PPM1B: variants seen among roughly 807,000 people sequenced by gnomAD.
PPM1B encodes the protein protein phosphatase, Mg2+/Mn2+ dependent 1B, also known as protein phosphatase 1B.
Under a neutral mutation model 43.0 loss-of-function variants are expected in PPM1B, and 22 were observed. The observed-to-expected ratio is 0.51, with a 90% CI of 0.37 to 0.73. The LOEUF is 0.73. Among genes scored for constraint, PPM1B ranks in the 30% least tolerant of loss-of-function variants. PPM1B has a pLI of 0.00. For missense variants in PPM1B, 632 were observed against 584.2 expected, an observed-to-expected ratio of 1.08 and a Z score of -0.84; for synonymous variants, 217 against 197.9, an observed-to-expected ratio of 1.10 and a Z score of -0.81.
intron 1 of PPM1B, among the ~76,000 whole-genome samples, chr2:44,182,511 T>G (rs1667930621): frequency 1.3e-5 from 2 of 152,186 alleles, no homozygotes; most frequent in South Asian, 2.1e-4. Flanking sequence ...TCCACCTGCC[T>G]CGGCCTCCCA....
chr2:44,242,083 C>T (rs1447050635), intron 5 of PPM1B, among the ~76,000 whole-genome samples: 2 of 151,924 alleles, frequency 1.3e-5, no homozygotes, highest in African/African-American at 4.8e-5. Flanking sequence ...TGGTCTCGAT[C>T]TCCTGACCTT....
intron 1 of PPM1B, among the ~76,000 whole-genome samples, chr2:44,177,089 T>C (rs1481700748): frequency 6.6e-6 from 1 of 152,122 alleles, no homozygotes. Flanking sequence ...CTAGTTTCAT[T>C]TTTAATGTAT....
chr2:44,201,648 G>T lies in PPM1B; in HGVS notation c.449G>T (p.Gly150Val). The T allele has an allele frequency of 1.2e-6, 2 of 1,614,192 alleles. No individual in the cohort carries two copies. Among genetic ancestry groups the T allele is most frequent in the Non-Finnish European group, 1.7e-6 (2 of 1,180,022 alleles). ...AAGCATATCTACTTTATCAACTGTG[G>T]TGATTCACGTGCTGTTCTGTATAGG... is the stretch of plus-strand genomic sequence containing the variant. ...SPKHIYFINC[G>V]DSRAVLYRNG... Residue 150 changes from glycine to valine, a missense_variant, in exon 2 of 6, where the codon GGT (glycine) becomes GTT (valine). Gly to Val is a moderately radical substitution (Grantham distance 109). This residue lies in a region of PPM1B where 200 missense variants were observed against 200.7 expected (regional missense o/e 1.00). Transcript: ENST00000282412. The surrounding 1 kb of genome is among the most constrained non-coding windows in gnomAD (Gnocchi z 5.4).
chr2:44,204,025 A>T lies in PPM1B; in HGVS notation c.846+1980A>T, dbSNP rs544534234. Among the ~76,000 whole-genome samples the T allele has an allele frequency of 7.9e-5, 12 of 152,360 alleles. No individual in the cohort carries two copies. In the South Asian group the frequency reaches 2.5e-3, roughly 32 times the overall value. On this transcript the variant is annotated intron_variant, in intron 2 of 5. Transcript: ENST00000282412. ...TAGATGGCATCCTAGAATCTCAGAA[A>T]TGAGGAATGATAATAACAGACAAGA...
chr2:44,214,404 CA>C (rs1215117990), intron 3 of PPM1B, among the ~76,000 whole-genome samples: 1 of 148,372 alleles, frequency 6.7e-6, no homozygotes, highest in South Asian at 2.2e-4. Context: ...TAAATTGTTA[CA>C]AAAAAAGCTT....
chr2:44,207,407 T>C (rs1669238953), intron 2 of PPM1B, among the ~76,000 whole-genome samples: 1 of 152,208 alleles, frequency 6.6e-6, no homozygotes, highest in Non-Finnish European at 1.5e-5. Flanking sequence ...CTTTGTTTTT[T>C]AGAGTGAACA....
chr2:44,240,988 G>C (rs1296248632), intron 5 of PPM1B, among the ~76,000 whole-genome samples: 1 of 140,694 alleles, frequency 7.1e-6, no homozygotes, highest in Admixed American at 7.0e-5. Context: ...TTTGAAATTG[G>C]GAAGCATCTT....
chr2:44,243,934 C>T (rs1042512258), intron 5 of PPM1B, among the ~76,000 whole-genome samples: 20 of 151,700 alleles, frequency 1.3e-4, no homozygotes, highest in Admixed American at 1.1e-3. Context: ...TCATTGGTAT[C>T]TTTAGCCAAG....
At chr2:44,218,627 T>C (rs1669835363) in intron 5 of PPM1B, 90 bp downstream of exon 5, 1 of 884,412 alleles carries the variant, frequency 1.1e-6, no homozygotes. Flanking sequence ...AAGTCTATAA[T>C]AAATTATAGT....
At chr2:44,199,327 A>AT (rs61094631) in intron 1 of PPM1B, among the ~76,000 whole-genome samples, 2,138 of 140,218 alleles carry the variant, frequency 0.015, 68 homozygotes, top group African/African-American at 0.054. Context: ...ATAAAAATAA[A>AT]AAAAAAAAAA....
intron 2 of PPM1B, among the ~76,000 whole-genome samples, chr2:44,208,649 G>T (rs1669307032): frequency 6.6e-6 from 1 of 152,200 alleles, no homozygotes; most frequent in Admixed American, 6.5e-5. Flanking sequence ...GGAGGCGGAG[G>T]TTGCAGTGAG....
chr2:44,230,657 T>G lies in PPM1B; in HGVS notation c.1379T>G (p.Leu460Arg), dbSNP rs373432819. 3.1e-6 allele frequency: 5 copies of G among 1,614,154 alleles called. No homozygotes were observed. The Admixed American group carries it at 6.7e-5, about 22-fold the overall frequency. Residue 460 changes from leucine to arginine, a missense_variant, in exon 6 of 6, where the codon CTT becomes CGT. Coordinates refer to ENST00000282412, the MANE Select transcript of PPM1B (RefSeq NM_002706.6). ...AGCCATACTGAATCAGAAAGTGGTC[T>G]TGCTGAATTAGACAGCTCTAATGAA... ...QESHTESESG[L>R]AELDSSNEDA... is the part of the protein sequence containing the mutation.
chr2:44,175,214 A>G (rs1230848621), intron 1 of PPM1B, among the ~76,000 whole-genome samples: 3 of 152,188 alleles, frequency 2.0e-5, no homozygotes, highest in Non-Finnish European at 2.9e-5. Context: ...AAATCGCGCC[A>G]CTGCATTCCA....
At chr2:44,189,982 C>T (rs1418024946) in intron 1 of PPM1B, among the ~76,000 whole-genome samples, 2 of 152,060 alleles carry the variant, frequency 1.3e-5, no homozygotes, top group African/African-American at 4.8e-5. Flanking sequence ...CTGTCTTGAA[C>T]TAGAAACACT....
chr2:44,210,186 A>G (rs1022363934), intron 3 of PPM1B, among the ~76,000 whole-genome samples: 18 of 148,820 alleles, frequency 1.2e-4, no homozygotes, highest in Admixed American at 4.7e-4. Context: ...ATTATTTTAC[A>G]TATTTTTTTA....
At chr2:44,205,364 T>G (rs1175558498) in intron 2 of PPM1B, among the ~76,000 whole-genome samples, 2 of 100,436 alleles carry the variant, frequency 2.0e-5, no homozygotes, top group Non-Finnish European at 4.1e-5. Flanking sequence ...GGTGTGTGTG[T>G]GTGTGTGTGT....
intron 2 of PPM1B, among the ~76,000 whole-genome samples, chr2:44,202,668 TTTA>T (rs1327228206): frequency 6.6e-6 from 1 of 152,224 alleles, no homozygotes; most frequent in South Asian, 2.1e-4. Context: ...TATAGATGTT[TTTA>T]TTATTTCTGA....
At chr2:44,194,900 T>A (rs1370225288) in intron 1 of PPM1B, among the ~76,000 whole-genome samples, 7 of 145,260 alleles carry the variant, frequency 4.8e-5, no homozygotes, top group African/African-American at 1.8e-4. Context: ...GTCTTTTGCT[T>A]TTTTTTTTTT....
chr2:44,188,691 C>T (rs1255175061), intron 1 of PPM1B, among the ~76,000 whole-genome samples: 1 of 151,672 alleles, frequency 6.6e-6, no homozygotes, highest in Non-Finnish European at 1.5e-5. Flanking sequence ...CCACTATGCC[C>T]AGTTTGCCTG....
Sources: allele counts gnomAD v4.1 joint callset (sites outside exome capture counted in the v4.1 genomes callset), GRCh38; gene constraint gnomAD v4.1.1; regional missense constraint gnomAD v4.1.1; non-coding constraint Gnocchi (gnomAD v3.1); transcripts MANE v1.5; gene names NCBI Gene and HGNC (gene_info 2026-07-23, HGNC 2026-07-21).